RALGPS2: variants seen among roughly 807,000 people sequenced by gnomAD.
RALGPS2 encodes ras-specific guanine nucleotide-releasing factor RalGPS2.
A neutral mutation model predicts 86.8 loss-of-function variants in RALGPS2; 43 were observed. The ratio of observed to expected loss-of-function variants is 0.50; its 90% CI spans 0.39 to 0.64. The LOEUF (loss-of-function observed/expected upper bound fraction) is 0.64. Among genes scored for constraint, RALGPS2 ranks in the 30% least tolerant of loss-of-function variants. RALGPS2 has a pLI of 0.00. For synonymous variants in RALGPS2, 243 were observed against 231.3 expected (o/e 1.05, Z -0.46); for missense variants, 536 against 694.6 (o/e 0.77, Z 2.57).
rs1660821166 is a variant in RALGPS2 at position 178,916,494 on chromosome 1, C to T, written c.*135C>T. On this transcript the variant is annotated 3_prime_UTR_variant, in exon 20 of 20. Coordinates refer to ENST00000367635, the MANE Select transcript of RALGPS2 (RefSeq NM_152663.5). ...TGTCTCAGTCGTTGGAGTTCTCAAC[C>T]AAAAAAGCACTAATTTCAGGGAATG... 1 of 724,638 alleles carries T rather than the reference C, an allele frequency of 1.4e-6. No homozygotes were observed. The allele number at this position is 724,638 out of a possible 1,614,324, so 44.9% of individuals were successfully genotyped here.
intron 6 of RALGPS2, among the ~76,000 whole-genome samples, chr1:178,813,854 C>T (rs1182213813): frequency 6.6e-6 from 1 of 152,148 alleles, no homozygotes; most frequent in Non-Finnish European, 1.5e-5. Context: ...TAGATGTTAA[C>T]CGCATCTACA....
At chr1:178,818,276 C>T (rs1323727633) in intron 6 of RALGPS2, among the ~76,000 whole-genome samples, 1 of 152,188 alleles carries the variant, frequency 6.6e-6, no homozygotes, top group Non-Finnish European at 1.5e-5. Context: ...AGGAGAATCA[C>T]TTGAACCTGG....
intron 17 of RALGPS2, among the ~76,000 whole-genome samples, chr1:178,898,807 T>G (rs1462859879): frequency 6.6e-6 from 1 of 151,980 alleles, no homozygotes; most frequent in African/African-American, 2.4e-5. Context: ...TGAAGGATCA[T>G]GGAGATTTCT....
At chr1:178,761,383 C>G (rs372880424) in intron 1 of RALGPS2, among the ~76,000 whole-genome samples, 2 of 150,460 alleles carry the variant, frequency 1.3e-5, no homozygotes, top group Non-Finnish European at 1.5e-5. Flanking sequence ...GAGCGGAGAT[C>G]GAGCCACTGC....
At chr1:178,795,616 G>A (rs765056587) in intron 4 of RALGPS2, among the ~76,000 whole-genome samples, 72 of 152,110 alleles carry the variant, frequency 4.7e-4, no homozygotes, top group Non-Finnish European at 9.9e-4. Context: ...GTTTCACCAT[G>A]TTGGCCAGGC....
chr1:178,893,654 A>G (rs1327239285), intron 15 of RALGPS2, among the ~76,000 whole-genome samples: 1 of 151,934 alleles, frequency 6.6e-6, no homozygotes, highest in African/African-American at 2.4e-5. Flanking sequence ...AAAGTGAATT[A>G]CTGCATTCTT....
At chr1:178,902,246 G>A (rs1400442305) in intron 18 of RALGPS2, 35 bp downstream of exon 18, 11 of 1,491,148 alleles carry the variant, frequency 7.4e-6, no homozygotes, top group Non-Finnish European at 1.0e-5. Flanking sequence ...TTACGATACT[G>A]CGTATGTGTT....
At chr1:178,892,444 C>CT in intron 15 of RALGPS2, 137 bp downstream of exon 15, 1 of 703,646 alleles carries the variant, frequency 1.4e-6, no homozygotes, top group Non-Finnish European at 2.4e-6. Context: ...CCTAGAAAAA[C>CT]TTTCTTTCCA....
intron 8 of RALGPS2, chr1:178,851,454 G>T: frequency 1.4e-6 from 1 of 718,406 alleles, no homozygotes; most frequent in Non-Finnish European, 2.1e-6. Flanking sequence ...AGTTTTAAAT[G>T]CCTTCACTTA....
intron 8 of RALGPS2, among the ~76,000 whole-genome samples, chr1:178,837,128 G>A (rs1656319847): frequency 6.6e-6 from 1 of 152,062 alleles, no homozygotes; most frequent in Non-Finnish European, 1.5e-5. Context: ...TCTCATTCAG[G>A]TTTTTTCTGT....
intron 1 of RALGPS2, among the ~76,000 whole-genome samples, chr1:178,727,301 G>T (rs1650080125): frequency 6.6e-6 from 1 of 151,884 alleles, no homozygotes; most frequent in African/African-American, 2.4e-5. Context: ...CTGAGCTCAA[G>T]CGATCCTCCC....
chr1:178,755,335 C>G (rs915996512), intron 1 of RALGPS2, among the ~76,000 whole-genome samples: 1 of 152,144 alleles, frequency 6.6e-6, no homozygotes, highest in Admixed American at 6.6e-5. Context: ...ACCCTTCCCC[C>G]TTTCCCTCAC....
chr1:178,797,447 G>A (rs1334713748), intron 4 of RALGPS2, among the ~76,000 whole-genome samples: 1 of 152,080 alleles, frequency 6.6e-6, no homozygotes, highest in Non-Finnish European at 1.5e-5. Context: ...GTTCTTGGGA[G>A]TCCCGGTGCA....
chr1:178,897,147 A>T (rs538087320), intron 16 of RALGPS2, among the ~76,000 whole-genome samples: 3 of 152,168 alleles, frequency 2.0e-5, no homozygotes, highest in Admixed American at 2.0e-4. Context: ...GACACTTCTC[A>T]AAAGAAGACA....
At chr1:178,887,742 A>C (rs1659549053) in intron 13 of RALGPS2, among the ~76,000 whole-genome samples, 1 of 152,212 alleles carries the variant, frequency 6.6e-6, no homozygotes, top group South Asian at 2.1e-4. Context: ...TTTATATAAA[A>C]ATACAAGTGA....
At chr1:178,783,281 A>T (rs2102124787) in intron 2 of RALGPS2, among the ~76,000 whole-genome samples, 1 of 152,296 alleles carries the variant, frequency 6.6e-6, no homozygotes, top group South Asian at 2.1e-4. Context: ...AGAATCAGTG[A>T]ACTGGAAGAC....
chr1:178,875,901 G>T (rs78988802), intron 8 of RALGPS2, among the ~76,000 whole-genome samples: 2,622 of 152,240 alleles, frequency 0.017, 80 homozygotes, highest in African/African-American at 0.06. Context: ...AGAGAGAGAT[G>T]ATTCTTCCTC....
intron 1 of RALGPS2, among the ~76,000 whole-genome samples, chr1:178,763,025 A>G (rs1322101613): frequency 1.3e-5 from 2 of 152,082 alleles, no homozygotes; most frequent in East Asian, 1.9e-4. Context: ...GTATTTGTAT[A>G]TGGTACAAGG....
chr1:178,847,939 G>T (rs1656946725), intron 8 of RALGPS2, among the ~76,000 whole-genome samples: 2 of 152,136 alleles, frequency 1.3e-5, no homozygotes, highest in Admixed American at 6.5e-5. Flanking sequence ...GCTTCAGGAG[G>T]TCAGGTGTTC....
Sources: allele counts gnomAD v4.1 joint callset (sites outside exome capture counted in the v4.1 genomes callset), GRCh38; gene constraint gnomAD v4.1.1; transcripts MANE v1.5; gene names NCBI Gene and HGNC (gene_info 2026-07-23, HGNC 2026-07-21).